The following FYCO1 variants were observed in gnomAD, a reference collection of about 807,000 sequenced individuals.
The protein encoded by FYCO1 is FYVE and coiled-coil domain-containing protein 1.
FYCO1 carries 122 observed loss-of-function variants against 165.1 expected under a neutral mutation model. That is an observed-to-expected ratio of 0.74 (90% CI 0.64 to 0.86). FYCO1 has a LOEUF of 0.86. Ranked by LOEUF, FYCO1 falls within the 40% of genes least tolerant of loss-of-function variation. The pLI is 0.00. For missense variants in FYCO1, 1,702 were observed against 1,810.3 expected (o/e 0.94, Z 1.09); for synonymous variants, 648 against 742.5 (o/e 0.87, Z 2.07).
intron 14 of FYCO1, among the ~76,000 whole-genome samples, chr3:45,952,116 C>T (rs1029234067): frequency 6.6e-6 from 1 of 152,130 alleles, no homozygotes; most frequent in African/African-American, 2.4e-5. Flanking sequence ...AGATAATTTC[C>T]ACTCCCTGAT....
chr3:45,995,523 G>A (rs1201454322), intron 1 of FYCO1, among the ~76,000 whole-genome samples, 199 bp downstream of exon 1: 2 of 152,258 alleles, frequency 1.3e-5, no homozygotes, highest in African/African-American at 4.8e-5. Context: ...TGCCTGGGCC[G>A]GCTTCCACCT....
Position 45,968,062 on chromosome 3 carries a change from C to G in FYCO1, c.1272G>C (p.Gln424His). The change falls in exon 8 of 18, where the codon CAG becomes CAC. Residue 424 changes from glutamine to histidine, a missense_variant. Coordinates refer to ENST00000296137, the MANE Select transcript of FYCO1 (RefSeq NM_024513.4). ...TGACCAGCTGTTCCAGTTGGGCACTCTGCTGTCTGTTGACCTCCTCGACCT... is the reference window on the plus strand; with the variant it reads ...TGACCAGCTGTTCCAGTTGGGCACTGTGCTGTCTGTTGACCTCCTCGACCT... Reference protein sequence around the residue: ...RTKVEEVNRQQSAQLEQLVKE... With the variant: ...RTKVEEVNRQHSAQLEQLVKE... 6.2e-7 allele frequency: 1 copy of G among 1,614,180 alleles called. No individual in the cohort carries two copies. The highest frequency in any genetic ancestry group is 2.2e-5 in the East Asian group (1 of 44,880).
chr3:45,969,282 C>T (rs927606286), intron 7 of FYCO1, among the ~76,000 whole-genome samples: 1 of 152,180 alleles, frequency 6.6e-6, no homozygotes, highest in Non-Finnish European at 1.5e-5. Flanking sequence ...TTAACATATG[C>T]TTAAGAAGTG....
intron 14 of FYCO1, chr3:45,946,491 C>A (rs1704616638): frequency 6.2e-7 from 1 of 1,612,426 alleles, no homozygotes; most frequent in Non-Finnish European, 8.5e-7. Flanking sequence ...CATGGCAGAG[C>A]ATGATTACCA....
At chr3:45,928,554 G>C (rs965882497) in intron 16 of FYCO1, among the ~76,000 whole-genome samples, 2 of 152,198 alleles carry the variant, frequency 1.3e-5, no homozygotes, top group Admixed American at 6.5e-5. Context: ...GCACAGGGTG[G>C]AGAGTGTCTG....
rs1291646758 is a variant in FYCO1 at position 45,947,480 on chromosome 3, T to C, written c.3944+7769A>G. The C allele has an allele frequency of 1.9e-6, 3 of 1,613,726 alleles. No individual in the cohort carries two copies. In the African/African-American group the frequency reaches 4.0e-5, roughly 22 times the overall value. ...CCAAGACTTTTTCTGCCTCCCACAA[T>C]GTGGAGGCCACCAGCATGTTCCAGT... On this transcript the variant is annotated intron_variant, in intron 14 of 17. Coordinates refer to ENST00000296137, the MANE Select transcript of FYCO1 (RefSeq NM_024513.4).
rs13079869 is a variant in FYCO1, at chr3:45,966,595, G to T, written c.2739C>A (p.Cys913Ter). 6.2e-7 allele frequency: 1 copy of T among 1,614,138 alleles called. No individual in the cohort carries two copies. Among genetic ancestry groups the T allele is most frequent in the South Asian group, 1.1e-5 (1 of 91,082 alleles). Residue 913 changes from cysteine (C) to a stop codon, truncating the protein, a stop_gained, in exon 8 of 18, where the codon TGC becomes TGA. Transcript: ENST00000296137. LOFTEE classifies it high-confidence loss of function. ...TDTAELGIQV[C>*]ALTVEKERVE... ...CTCGCTCCTTTTCCACGGTCAGTGC[G>T]CAAACCTGGATGCCCAGCTCAGCTG...
intron 15 of FYCO1, among the ~76,000 whole-genome samples, chr3:45,933,743 G>A (rs545207704): frequency 9.2e-5 from 14 of 152,122 alleles, no homozygotes; most frequent in East Asian, 1.9e-4. Context: ...AAAACCACTC[G>A]TTATCCTAAG....
chr3:45,969,062 C>A (rs151324211), intron 7 of FYCO1, among the ~76,000 whole-genome samples: 2,255 of 152,324 alleles, frequency 0.015, 22 homozygotes, highest in South Asian at 0.033. Context: ...CAACTCCTGG[C>A]ATGATTAAGC....
At chr3:45,995,444 C>T (rs865790241) in intron 1 of FYCO1, among the ~76,000 whole-genome samples, 52 of 152,360 alleles carry the variant, frequency 3.4e-4, no homozygotes, top group African/African-American at 1.2e-3. Flanking sequence ...GCGGGCCCTC[C>T]GCCCTCCGGG....
chr3:45,951,963 G>A (rs1040132642), intron 14 of FYCO1, among the ~76,000 whole-genome samples: 1 of 152,208 alleles, frequency 6.6e-6, no homozygotes, highest in Admixed American at 6.5e-5. Context: ...GGCAAAATGC[G>A]GACATGGGAC....
At chr3:45,947,521 G>T (rs1271658746) in intron 14 of FYCO1, 1 of 1,605,638 alleles carries the variant, frequency 6.2e-7, no homozygotes, top group Non-Finnish European at 8.5e-7. Flanking sequence ...GCCTTGCCAG[G>T]GTTTCGAGAA....
rs1362076717 is a variant in FYCO1 at position 45,993,582 on chromosome 3, T to C, written c.-113+2140A>G. 6.6e-6 allele frequency among the ~76,000 whole-genome samples: 1 copy of C among 152,240 alleles called. No homozygotes were observed. Among genetic ancestry groups the C allele is most frequent in the Admixed American group, 6.5e-5 (1 of 15,288 alleles). ...TTGAGCTCACAAACAAAATACTGTT[T>C]ATCTTTTGACTAAGACAAGAACATA... is the stretch of plus-strand genomic sequence containing the variant. On this transcript the variant is annotated intron_variant, in intron 1 of 17. Coordinates refer to ENST00000296137, the MANE Select transcript of FYCO1 (RefSeq NM_024513.4). The surrounding 1 kb of genome is among the most constrained non-coding windows in gnomAD (Gnocchi z 4.4).
chr3:45,931,342 C>G (rs1177484668), intron 15 of FYCO1, 61 bp from the exon 16 acceptor site: 2 of 1,516,698 alleles, frequency 1.3e-6, no homozygotes, highest in Admixed American at 1.7e-5. Context: ...GTCCACTGGC[C>G]AGGTCATCTG....
intron 14 of FYCO1, among the ~76,000 whole-genome samples, chr3:45,953,300 T>C (rs1705131248): frequency 6.6e-6 from 1 of 152,168 alleles, no homozygotes; most frequent in Non-Finnish European, 1.5e-5. Flanking sequence ...ATAAAAAATG[T>C]CCTTAACCAG....
rs766143938 is a variant in FYCO1 at position 45,968,248 on chromosome 3, G to A, written c.1086C>T (p.Asn362=). 1.2e-6 allele frequency: 2 copies of A among 1,614,042 alleles called. No individual in the cohort carries two copies. The highest frequency in any genetic ancestry group is 1.7e-6 in the Non-Finnish European group (2 of 1,180,046). ...EATRDSLDKK[N]QHLASFPGWL... is the part of the protein sequence containing the mutation. ...AGCCTGGGAAGCTGGCTAAATGCTG[G>A]TTTTTCTTGTCCAGTGAGTCCCGTG... The change falls in exon 8 of 18, where the codon AAC becomes AAT. Residue 362 remains asparagine (N), a synonymous_variant. Coordinates refer to ENST00000296137, the MANE Select transcript of FYCO1 (RefSeq NM_024513.4).
At chr3:45,988,837 C>T (rs1324305893) in intron 1 of FYCO1, among the ~76,000 whole-genome samples, 1 of 152,108 alleles carries the variant, frequency 6.6e-6, no homozygotes, top group Non-Finnish European at 1.5e-5. Context: ...CTAGTCATGA[C>T]CTAGATATCA....
intron 1 of FYCO1, among the ~76,000 whole-genome samples, chr3:45,989,389 A>C (rs1707463470): frequency 6.6e-6 from 1 of 152,232 alleles, no homozygotes; most frequent in African/African-American, 2.4e-5. Flanking sequence ...TGGTACCTGC[A>C]GCTTCGAAGG....
In FYCO1 at chr3:45,967,032, C is replaced by T. The variant is rs763453973; in HGVS notation, c.2302G>A (p.Ala768Thr). The change falls in exon 8 of 18, where the codon GCT (alanine) becomes ACT (threonine). Residue 768 changes from alanine to threonine, a missense_variant. Transcript: ENST00000296137. ...GCCTGAGACAGGGCTAGCTGGGCAG[C>T]CAGCTCACGGGCTTCATTGTCAGTG... ...PPTDNEAREL[A>T]AQLALSQAQL... 1 of 1,613,358 alleles carries T rather than the reference C, an allele frequency of 6.2e-7. No individual in the cohort carries two copies. Among genetic ancestry groups the T allele is most frequent in the Non-Finnish European group, 8.5e-7 (1 of 1,180,034 alleles).
Sources: gnomAD v4.1 joint callset for allele counts (sites outside exome capture counted in the v4.1 genomes callset) on GRCh38, gnomAD v4.1.1 for gene constraint, Gnocchi (gnomAD v3.1) non-coding constraint, MANE v1.5 for transcripts, NCBI Gene and HGNC (gene_info 2026-07-23, HGNC 2026-07-21) for gene names.